Variants in CR1L observed in about 807,000 individuals in gnomAD.
The protein encoded by CR1L is complement component receptor 1-like protein.
CR1L carries 59 observed loss-of-function variants against 62.3 expected under a neutral mutation model. The observed-to-expected ratio is 0.95, with a 90% CI of 0.77 to 1.18. The LOEUF is 1.18. Ranked by LOEUF, CR1L falls within the 50% of genes most tolerant of loss-of-function variation. The pLI, the probability that CR1L is intolerant of heterozygous loss-of-function variation, is 0.00. For missense variants in CR1L, 700 were observed against 702.8 expected (o/e 1.00, Z 0.04); for synonymous variants, 279 against 248.7 (o/e 1.12, Z -1.15).
At chr1:207,718,611 C>T (rs2102484429) in intron 11 of CR1L, among the ~76,000 whole-genome samples, 3 of 152,184 alleles carry the variant, frequency 2.0e-5, no homozygotes, top group Admixed American at 2.0e-4. Flanking sequence ...TTAGTAGAGA[C>T]AGGGATTCAC....
chr1:207,685,101 A>T (rs868222646), intron 4 of CR1L, among the ~76,000 whole-genome samples: 24 of 152,010 alleles, frequency 1.6e-4, no homozygotes, highest in African/African-American at 4.4e-4. Context: ...TGGAAATATT[A>T]AAAAAAATTA....
chr1:207,707,751 T>G (rs1162640116), intron 9 of CR1L, among the ~76,000 whole-genome samples: 2 of 149,120 alleles, frequency 1.3e-5, no homozygotes, highest in Admixed American at 1.3e-4. Context: ...CTTGTATTTA[T>G]AAAAAACATG....
In CR1L at chr1:207,653,694, G is replaced by A. The variant is rs1663264605; in HGVS notation, c.97+8364G>A. Among the ~76,000 whole-genome samples the A allele has an allele frequency of 2.0e-5, 3 of 152,166 alleles. No individual in the cohort carries two copies. In the South Asian group the frequency reaches 6.2e-4, roughly 32 times the overall value. On this transcript the variant is annotated intron_variant, in intron 1 of 11. Transcript: ENST00000508064. Reference sequence around the variant, plus strand: ...AACAGGCACTGAGCACTCGGTAATAGCCTTTGTTCTGCAGGACTTTTAAAG... The same window carrying A: ...AACAGGCACTGAGCACTCGGTAATAACCTTTGTTCTGCAGGACTTTTAAAG...
chr1:207,681,368 A>G (rs1039230245), intron 3 of CR1L, among the ~76,000 whole-genome samples: 9 of 152,206 alleles, frequency 5.9e-5, no homozygotes, highest in African/African-American at 2.2e-4. Context: ...GTAGGGTAGG[A>G]TGTAAAGGCT....
intron 11 of CR1L, among the ~76,000 whole-genome samples, chr1:207,720,662 G>GGGTTT (rs1654114357): frequency 6.6e-6 from 1 of 152,150 alleles, no homozygotes; most frequent in Admixed American, 6.5e-5. Flanking sequence ...TTTAAAGCCA[G>GGGTTT]AATTAATACA....
At chr1:207,667,835 A>G (rs1663546060) in intron 1 of CR1L, among the ~76,000 whole-genome samples, 1 of 151,066 alleles carries the variant, frequency 6.6e-6, no homozygotes, top group Non-Finnish European at 1.5e-5. Flanking sequence ...TAAAACAAAT[A>G]ATATTATTTA....
Position 207,717,630 on chromosome 1 carries a change from A to C in CR1L, c.1581A>C (p.Glu527Asp), listed in dbSNP as rs1370945223. 12 of 1,613,770 alleles carry C rather than the reference A, an allele frequency of 7.4e-6. No individual in the cohort carries two copies. The highest frequency in any genetic ancestry group is 3.4e-6 in the Non-Finnish European group (4 of 1,179,888). ...AGAGCACCATCCGCCGCACAAGTGAACCTCATGGGAATGGGGTTTGGAGCA... is the reference window on the plus strand; with the variant it reads ...AGAGCACCATCCGCCGCACAAGTGACCCTCATGGGAATGGGGTTTGGAGCA... ...IGESTIRRTS[E>D]PHGNGVWSSP... is the part of the protein sequence containing the mutation. The change falls in exon 11 of 12, where the codon GAA (glutamate) becomes GAC (aspartate). Residue 527 changes from glutamate (E) to aspartate (D), a missense_variant. Physicochemically the swap from Glu to Asp is conservative, Grantham distance 45. Transcript: ENST00000508064.
intron 1 of CR1L, among the ~76,000 whole-genome samples, chr1:207,655,659 A>G (rs1486174194): frequency 2.0e-5 from 3 of 152,032 alleles, no homozygotes; most frequent in Non-Finnish European, 2.9e-5. Context: ...GCTGGTCTTG[A>G]ACTCCCGTGC....
At chr1:207,719,294 T>G (rs1221914267) in intron 11 of CR1L, among the ~76,000 whole-genome samples, 6 of 140,022 alleles carry the variant, frequency 4.3e-5, no homozygotes, top group South Asian at 2.2e-4. Flanking sequence ...AAAAGAAAAA[T>G]AAATAACACA....
intron 1 of CR1L, among the ~76,000 whole-genome samples, chr1:207,648,532 G>T (rs528620635): frequency 4.4e-4 from 67 of 152,258 alleles, no homozygotes; most frequent in African/African-American, 1.5e-3. Flanking sequence ...GCTGTGCATG[G>T]GAGACCTGCC....
chr1:207,668,344 AG>A (rs1663555077), intron 1 of CR1L, among the ~76,000 whole-genome samples: 1 of 151,212 alleles, frequency 6.6e-6, no homozygotes, highest in African/African-American at 2.5e-5. Context: ...GCCATAAGAA[AG>A]AATGAAATCC....
Position 207,645,317 on chromosome 1 carries a change from GTCC to G in CR1L, c.89_91del (p.Ser30del), listed in dbSNP as rs1663100593. On this transcript the variant is annotated inframe_deletion, in exon 1 of 12. Coordinates refer to ENST00000508064, the MANE Select transcript of CR1L (RefSeq NM_175710.2). ...TTCTGGCGGCCCTGGTGTTGCTGCTGTCCTCCTTCTCCGGTAGGACCCCGGGGT... is the reference window on the plus strand; with the variant it reads ...TTCTGGCGGCCCTGGTGTTGCTGCTGTCCTTCTCCGGTAGGACCCCGGGGT... The G allele has an allele frequency of 1.9e-6, 3 of 1,614,050 alleles. No individual in the cohort carries two copies. Among genetic ancestry groups the G allele is most frequent in the South Asian group, 1.1e-5 (1 of 91,086 alleles).
At chr1:207,651,605 CA>C (rs1430758302) in intron 1 of CR1L, among the ~76,000 whole-genome samples, 2 of 151,816 alleles carry the variant, frequency 1.3e-5, no homozygotes, top group African/African-American at 4.8e-5. Context: ...TCTTATTTTG[CA>C]AGCCCACAGA....
At chr1:207,667,231 T>C (rs1663537380) in intron 1 of CR1L, among the ~76,000 whole-genome samples, 2 of 152,208 alleles carry the variant, frequency 1.3e-5, no homozygotes, top group African/African-American at 4.8e-5. Context: ...AATTATCTTG[T>C]GGTTTAAAAC....
intron 9 of CR1L, among the ~76,000 whole-genome samples, chr1:207,707,652 A>T (rs1349297526): frequency 6.6e-6 from 1 of 152,140 alleles, no homozygotes; most frequent in Non-Finnish European, 1.5e-5. Context: ...CAAACAAAGC[A>T]AATCAAATAT....
intron 4 of CR1L, among the ~76,000 whole-genome samples, chr1:207,692,190 G>C (rs1156789604): frequency 6.6e-6 from 1 of 152,120 alleles, no homozygotes; most frequent in African/African-American, 2.4e-5. Context: ...ACTATGTAAG[G>C]CTTTAGGCTA....
rs1197741032 is a variant in CR1L at position 207,710,214 on chromosome 1, C to G, written c.1414+1951C>G. Among the ~76,000 whole-genome samples, 4 of 151,894 alleles carry G rather than the reference C, an allele frequency of 2.6e-5. No individual in the cohort carries two copies. The East Asian group carries it at 5.8e-4, about 22-fold the overall frequency. ...CAAAAATAAACCAGATACGGTGGTG[C>G]GTGCCTGTAATCCCAGCTACTCGGG... On this transcript the variant is annotated intron_variant, in intron 10 of 11. Transcript: ENST00000508064.
intron 1 of CR1L, among the ~76,000 whole-genome samples, chr1:207,668,916 T>C (rs1285497715): frequency 6.6e-6 from 1 of 150,976 alleles, no homozygotes; most frequent in Non-Finnish European, 1.5e-5. Flanking sequence ...TAATTGTCCT[T>C]CCCTTTTTAA....
At position 207,675,822 on chromosome 1, in the gene CR1L, A is replaced by G. The variant is rs1362317533; in HGVS notation, c.98-1567A>G. Among the ~76,000 whole-genome samples the G allele has an allele frequency of 3.3e-5, 5 of 152,346 alleles. No individual in the cohort carries two copies. The East Asian group carries it at 9.6e-4, about 29-fold the overall frequency. ...TTTGTTGCTTTAAATTAAATCTACA[A>G]GGCCTTAAGGGGCCTAGCTGAGTCT... On this transcript the variant is annotated intron_variant, in intron 1 of 11. Coordinates refer to ENST00000508064, the MANE Select transcript of CR1L (RefSeq NM_175710.2).
Sources: allele counts gnomAD v4.1 joint callset (sites outside exome capture counted in the v4.1 genomes callset), GRCh38; gene constraint gnomAD v4.1.1; transcripts MANE v1.5; gene names NCBI Gene and HGNC (gene_info 2026-07-23, HGNC 2026-07-21).